Variants in CCDC171 observed in about 807,000 individuals in gnomAD.
CCDC171 encodes coiled-coil domain containing 171.
CCDC171 carries 177 observed loss-of-function variants against 168.2 expected under a neutral mutation model. That is an observed-to-expected ratio of 1.05 (90% CI 0.93 to 1.19). The LOEUF (loss-of-function observed/expected upper bound fraction) is 1.19, where lower values mean the gene tolerates loss of function less well. CCDC171 is among the 50% of genes most tolerant of loss of function. The pLI is 0.00. For missense variants in CCDC171, 1,991 were observed against 1,539.0 expected (o/e 1.29, Z -4.91); for synonymous variants, 687 against 540.8 (o/e 1.27, Z -3.75).
chr9:15,977,591 G>GT (rs910585585), downstream of CCDC171, among the ~76,000 whole-genome samples: 11 of 152,154 alleles, frequency 7.2e-5, no homozygotes, highest in Admixed American at 3.3e-4. Context: ...TCTGAAGACA[G>GT]TTTTTTTGTG....
chr9:16,033,046 G>A (rs115467542), intron 6 of CCDC171, among the ~76,000 whole-genome samples: 1 of 152,190 alleles, frequency 6.6e-6, no homozygotes. Flanking sequence ...CAAACCATGA[G>A]CCAGGGAGGA....
At chr9:16,032,901 T>C (rs1264018686) in intron 6 of CCDC171, among the ~76,000 whole-genome samples, 1 of 152,198 alleles carries the variant, frequency 6.6e-6, no homozygotes, top group African/African-American at 2.4e-5. Flanking sequence ...CTCCAGGGCC[T>C]GGATTCCAGG....
At chr9:15,717,877 G>T (rs1232836344) in intron 11 of CCDC171, among the ~76,000 whole-genome samples, 1 of 152,210 alleles carries the variant, frequency 6.6e-6, no homozygotes, top group Non-Finnish European at 1.5e-5. Context: ...TCTGAGATCT[G>T]CTGGTTTGAA....
intron 16 of CCDC171, among the ~76,000 whole-genome samples, chr9:15,743,028 C>T (rs1301899762): frequency 6.6e-6 from 1 of 152,008 alleles, no homozygotes. Flanking sequence ...ATCCTCTCAC[C>T]TTGGCCTCCA....
In CCDC171 at chr9:15,744,649, T is replaced by G; in HGVS notation, c.2426T>G (p.Leu809Trp). 1 of 1,614,208 alleles carries G rather than the reference T, an allele frequency of 6.2e-7. No homozygotes were observed. The highest frequency in any genetic ancestry group is 8.5e-7 in the Non-Finnish European group (1 of 1,180,030). ...TTTCGGAAAGGTGTTATTGCTGTTTTGGCAGCAAACAGACTCAAGATTTTG... is the reference window on the plus strand; with the variant it reads ...TTTCGGAAAGGTGTTATTGCTGTTTGGGCAGCAAACAGACTCAAGATTTTG... ...RIFRKGVIAV[L>W]AANRLKILGQ... The change falls in exon 17 of 26, where the codon TTG becomes TGG. Residue 809 changes from leucine to tryptophan, a missense_variant. Physicochemically the swap from Leu to Trp is moderately conservative, Grantham distance 61 (BLOSUM62 -2). Coordinates refer to ENST00000380701, the MANE Select transcript of CCDC171 (RefSeq NM_173550.4).
At chr9:15,732,303 T>C (rs936777943) in intron 16 of CCDC171, among the ~76,000 whole-genome samples, 1 of 152,156 alleles carries the variant, frequency 6.6e-6, no homozygotes, top group Non-Finnish European at 1.5e-5. Context: ...AGAAGTTTCA[T>C]AGTTTTAGCT....
At chr9:15,901,538 AT>A (rs1563965856) in intron 24 of CCDC171, among the ~76,000 whole-genome samples, 1 of 152,242 alleles carries the variant, frequency 6.6e-6, no homozygotes, top group African/African-American at 2.4e-5. Flanking sequence ...TAAATATACC[AT>A]AAAATCTATC....
intron 3 of CCDC171, among the ~76,000 whole-genome samples, chr9:16,005,283 C>G (rs1186451973): frequency 6.6e-6 from 1 of 152,184 alleles, no homozygotes; most frequent in Non-Finnish European, 1.5e-5. Context: ...TTTCACATAG[C>G]ATAGTGTTTT....
chr9:15,812,089 A>G lies in CCDC171; in HGVS notation c.3267+27395A>G, dbSNP rs891098997. Among the ~76,000 whole-genome samples the G allele has an allele frequency of 7.5e-4, 114 of 152,334 alleles. 1 individual carries two copies. The highest frequency in any genetic ancestry group is 2.5e-3 in the African/African-American group (105 of 41,574). Reference sequence around the variant, plus strand: ...CTGGTTTGAACAAGGTATTAAAAAAAGAGAAGTGAGCTCAGGAAAGAATTA... The same window carrying G: ...CTGGTTTGAACAAGGTATTAAAAAAGGAGAAGTGAGCTCAGGAAAGAATTA... On this transcript the variant is annotated intron_variant, in intron 21 of 25. Transcript: ENST00000380701.
At chr9:16,095,936 G>A in the CCDC171 span, among the ~76,000 whole-genome samples, 2 of 145,218 alleles carry the variant, frequency 1.4e-5, no homozygotes, top group African/African-American at 5.1e-5. Flanking sequence ...ATAGGGGTAT[G>A]TCTATATATA....
chr9:15,740,999 C>G (rs1239948622), intron 16 of CCDC171, among the ~76,000 whole-genome samples: 3 of 152,150 alleles, frequency 2.0e-5, no homozygotes, highest in African/African-American at 7.2e-5. Context: ...TTTTACATTT[C>G]AGGCCAAATT....
chr9:15,791,517 G>A (rs1265108443), intron 21 of CCDC171, among the ~76,000 whole-genome samples: 1 of 152,170 alleles, frequency 6.6e-6, no homozygotes, highest in Non-Finnish European at 1.5e-5. Flanking sequence ...TGGTTTTCTA[G>A]ATATACAATC....
chr9:15,858,130 G>A (rs551836631), intron 23 of CCDC171, among the ~76,000 whole-genome samples: 69 of 151,830 alleles, frequency 4.5e-4, no homozygotes, highest in Non-Finnish European at 7.5e-4. Flanking sequence ...CAATTCTCCC[G>A]CCTCAGCCTC....
intron 23 of CCDC171, among the ~76,000 whole-genome samples, chr9:15,862,579 C>T (rs1187736129): frequency 6.6e-6 from 1 of 151,376 alleles, no homozygotes; most frequent in African/African-American, 2.4e-5. Flanking sequence ...TTATGTTTCT[C>T]TGTTTTTTCA....
chr9:15,636,604 C>A (rs1236430922), intron 7 of CCDC171, among the ~76,000 whole-genome samples: 2 of 151,820 alleles, frequency 1.3e-5, no homozygotes, highest in Non-Finnish European at 2.9e-5. Context: ...CAAAACTTAG[C>A]CAAACATGGT....
chr9:15,958,652 G>A (rs1018286148), intron 25 of CCDC171, among the ~76,000 whole-genome samples: 1 of 151,676 alleles, frequency 6.6e-6, no homozygotes, highest in Non-Finnish European at 1.5e-5. Flanking sequence ...TGATGAAGAA[G>A]CCTCCTTCTA....
chr9:15,745,757 C>A, intron 18 of CCDC171, 126 bp downstream of exon 18: 1 of 568,280 alleles, frequency 1.8e-6, no homozygotes, highest in Non-Finnish European at 3.0e-6. Flanking sequence ...TTATTTTATT[C>A]AGTCATAGAG....
rs180992811 is a variant in CCDC171 at position 15,770,113 on chromosome 9, G to A, written c.2672-7487G>A. Reference sequence around the variant, plus strand: ...CCACTATGTTGTAAAACGAACTATCGAAGCTTTAATTATATTTGTAGCAGT... The same window carrying A: ...CCACTATGTTGTAAAACGAACTATCAAAGCTTTAATTATATTTGTAGCAGT... On this transcript the variant is annotated intron_variant, in intron 18 of 25. Coordinates refer to ENST00000380701, the MANE Select transcript of CCDC171 (RefSeq NM_173550.4). Among the ~76,000 whole-genome samples, 5 of 152,108 alleles carry A rather than the reference G, an allele frequency of 3.3e-5. No homozygotes were observed. In the East Asian group the frequency reaches 7.7e-4, roughly 23 times the overall value.
chr9:15,933,573 G>A (rs1267944091), intron 25 of CCDC171, among the ~76,000 whole-genome samples: 1 of 151,766 alleles, frequency 6.6e-6, no homozygotes, highest in African/African-American at 2.4e-5. Flanking sequence ...GTTCCTGGAG[G>A]TGTATCATTA....
Sources: allele counts gnomAD v4.1 joint callset (sites outside exome capture counted in the v4.1 genomes callset), GRCh38; gene constraint gnomAD v4.1.1; transcripts MANE v1.5; gene names NCBI Gene and HGNC (gene_info 2026-07-23, HGNC 2026-07-21).